The following RAD51B variants were observed in gnomAD, a reference collection of about 807,000 sequenced individuals.
RAD51B encodes DNA repair protein RAD51 homolog 2.
Under a neutral mutation model 42.2 loss-of-function variants are expected in RAD51B, and 38 were observed. The observed-to-expected ratio is 0.90, with a 90% CI of 0.70 to 1.18. RAD51B has a LOEUF of 1.18. Among genes scored for constraint, RAD51B ranks in the 50% most tolerant of loss-of-function variants. RAD51B has a pLI of 0.00. For synonymous variants in RAD51B, 154 were observed against 145.2 expected, an observed-to-expected ratio of 1.06 and a Z score of -0.43; for missense variants, 373 against 400.7, an observed-to-expected ratio of 0.93 and a Z score of 0.59.
At chr14:68,369,400 G>T (rs185963846) in intron 8 of RAD51B, among the ~76,000 whole-genome samples, 140 of 152,254 alleles carry the variant, frequency 9.2e-4, no homozygotes, top group Non-Finnish European at 1.4e-3. Context: ...GAAACCTTCC[G>T]TGAGAAAATG....
intron 8 of RAD51B, among the ~76,000 whole-genome samples, chr14:68,308,423 C>T (rs1427018679): frequency 6.6e-6 from 1 of 152,068 alleles, no homozygotes. Flanking sequence ...ACAACCTCTG[C>T]AATCTTAAAG....
chr14:67,841,606 G>T (rs550116482), intron 4 of RAD51B, among the ~76,000 whole-genome samples: 5 of 152,186 alleles, frequency 3.3e-5, no homozygotes, highest in Non-Finnish European at 7.3e-5. Context: ...ATGGTAAAAG[G>T]TAGGGGTCCA....
chr14:68,671,741 T>C (rs1447173842), intron 11 of RAD51B, among the ~76,000 whole-genome samples: 1 of 151,916 alleles, frequency 6.6e-6, no homozygotes, highest in Non-Finnish European at 1.5e-5. Flanking sequence ...CAGAATTCCT[T>C]ATATGCCCCA....
At chr14:68,670,830 T>A (rs1893141021) in intron 11 of RAD51B, among the ~76,000 whole-genome samples, 1 of 152,198 alleles carries the variant, frequency 6.6e-6, no homozygotes, top group East Asian at 1.9e-4. Context: ...CAAAGACCCT[T>A]TCTTTCTTAT....
chr14:68,374,710 G>C (rs2083330927), intron 8 of RAD51B, among the ~76,000 whole-genome samples: 1 of 150,030 alleles, frequency 6.7e-6, no homozygotes, highest in South Asian at 2.2e-4. Flanking sequence ...ACTTAGCACA[G>C]ATGGTCTCAG....
At chr14:68,539,542 T>C (rs1458550705) in intron 10 of RAD51B, among the ~76,000 whole-genome samples, 1 of 152,062 alleles carries the variant, frequency 6.6e-6, no homozygotes. Flanking sequence ...ACTCCATAGA[T>C]GGGAGAGAAA....
chr14:68,638,105 T>G (rs1313552107), intron 10 of RAD51B, among the ~76,000 whole-genome samples: 2 of 152,184 alleles, frequency 1.3e-5, no homozygotes, highest in African/African-American at 4.8e-5. Context: ...AGAAGGCCAG[T>G]GAAGGAAGGC....
At chr14:67,919,157 A>G (rs1005660472) in intron 7 of RAD51B, among the ~76,000 whole-genome samples, 1 of 152,248 alleles carries the variant, frequency 6.6e-6, no homozygotes, top group African/African-American at 2.4e-5. Context: ...TTGTTCAGAC[A>G]TTAGGGAATA....
chr14:68,490,208 T>C lies in RAD51B; in HGVS notation c.1036+21958T>C, dbSNP rs541147537. On this transcript the variant is annotated intron_variant, in intron 10 of 10. Coordinates refer to the RAD51B transcript ENST00000487270. ...TATAAATGGGATAACAGAAATGATT[T>C]TATTATTTATGTGATTTTAATTTAT... Among the ~76,000 whole-genome samples, 20 of 152,354 alleles carry C rather than the reference T, an allele frequency of 1.3e-4. 1 individual carries two copies. In the South Asian group the frequency reaches 4.1e-3, roughly 32 times the overall value.
intron 7 of RAD51B, among the ~76,000 whole-genome samples, chr14:68,144,540 A>G (rs751903289): frequency 1.3e-5 from 2 of 152,186 alleles, no homozygotes; most frequent in Admixed American, 6.5e-5. Flanking sequence ...GTAGTAGAGC[A>G]TTGTCTTTTG....
chr14:68,228,080 C>CTAAGGA (rs2080077192), intron 7 of RAD51B, among the ~76,000 whole-genome samples: 1 of 151,974 alleles, frequency 6.6e-6, no homozygotes, highest in Non-Finnish European at 1.5e-5. Flanking sequence ...AAAATTGAGA[C>CTAAGGA]TAAGGAAGGT....
At chr14:68,033,254 A>G (rs1341488059) in intron 7 of RAD51B, among the ~76,000 whole-genome samples, 2 of 152,256 alleles carry the variant, frequency 1.3e-5, no homozygotes, top group Non-Finnish European at 2.9e-5. Context: ...AGAACTACAT[A>G]TGGTATTCCT....
At chr14:67,826,992 TTTC>T (rs1244655877) in intron 3 of RAD51B, among the ~76,000 whole-genome samples, 1 of 152,194 alleles carries the variant, frequency 6.6e-6, no homozygotes, top group African/African-American at 2.4e-5. Context: ...CAACAGATAT[TTTC>T]TTTTGTTCAG....
intron 7 of RAD51B, among the ~76,000 whole-genome samples, chr14:68,055,418 A>T (rs1210124430): frequency 1.3e-5 from 2 of 152,216 alleles, no homozygotes; most frequent in Admixed American, 1.3e-4. Flanking sequence ...AAGTATAACC[A>T]GGGTTCTGAA....
intron 7 of RAD51B, among the ~76,000 whole-genome samples, chr14:68,181,112 G>A (rs1203059835): frequency 6.6e-6 from 1 of 152,178 alleles, no homozygotes; most frequent in Admixed American, 6.5e-5. Flanking sequence ...TTGATTTGAA[G>A]GTGGGTTTTA....
At chr14:67,833,869 T>C (rs2041140456) in intron 3 of RAD51B, among the ~76,000 whole-genome samples, 2 of 152,226 alleles carry the variant, frequency 1.3e-5, no homozygotes, top group African/African-American at 4.8e-5. Flanking sequence ...TACCATTATT[T>C]TTCTTTGGAA....
intron 10 of RAD51B, among the ~76,000 whole-genome samples, chr14:68,587,678 T>C (rs1372071712): frequency 6.6e-6 from 1 of 151,798 alleles, no homozygotes; most frequent in Admixed American, 6.6e-5. Flanking sequence ...AGCTTCTTCC[T>C]CCACAGCTTC....
At chr14:67,821,990 T>C (rs2040644039) in intron 1 of RAD51B, among the ~76,000 whole-genome samples, 1 of 152,032 alleles carries the variant, frequency 6.6e-6, no homozygotes, top group Admixed American at 6.6e-5. Flanking sequence ...ATATTGTGTG[T>C]GCGTGTGTGT....
At chr14:68,446,704 C>T (rs1487831220) in intron 9 of RAD51B, among the ~76,000 whole-genome samples, 1 of 151,968 alleles carries the variant, frequency 6.6e-6, no homozygotes, top group Non-Finnish European at 1.5e-5. Flanking sequence ...AATAAATCAA[C>T]GTAGAGAAAA....
Sources: gnomAD v4.1 joint callset for allele counts (sites outside exome capture counted in the v4.1 genomes callset) on GRCh38, gnomAD v4.1.1 for gene constraint, MANE v1.5 for transcripts, NCBI Gene and HGNC (gene_info 2026-07-23, HGNC 2026-07-21) for gene names.